PARD3: variants seen among roughly 807,000 people sequenced by gnomAD.
PARD3 encodes the protein partitioning defective 3 homolog.
Under a neutral mutation model 155.4 loss-of-function variants are expected in PARD3, and 75 were observed. That is an observed-to-expected ratio of 0.48 (90% CI 0.40 to 0.58). PARD3 has a LOEUF of 0.58. Among genes scored for constraint, PARD3 ranks in the 20% least tolerant of loss-of-function variants. The pLI, the probability that PARD3 is intolerant of heterozygous loss-of-function variation, is 0.00. For missense variants in PARD3, 1,642 were observed against 1,721.7 expected, an observed-to-expected ratio of 0.95 and a Z score of 0.82; for synonymous variants, 576 against 610.5, an observed-to-expected ratio of 0.94 and a Z score of 0.83.
intron 2 of PARD3, among the ~76,000 whole-genome samples, chr10:34,692,860 C>T (rs1010966211): frequency 4.6e-5 from 7 of 152,220 alleles, no homozygotes; most frequent in Admixed American, 2.6e-4. Flanking sequence ...GACAAAAGAG[C>T]GAGACTCCAT....
intron 3 of PARD3, among the ~76,000 whole-genome samples, chr10:34,499,646 G>A (rs1181335347): frequency 1.3e-5 from 2 of 151,974 alleles, no homozygotes; most frequent in Non-Finnish European, 2.9e-5. Flanking sequence ...CATATGAATA[G>A]TCTTTTATCA....
rs148775070 is a variant in PARD3 at position 34,317,461 on chromosome 10, C to A, written c.2834-123G>T. ...TACTGCAGTATGGCCCTGCTAGCAA[C>A]ATGGACTGCAATGCTGTTTAACTTT... On this transcript the variant is annotated intron_variant, in intron 19 of 24. Coordinates refer to ENST00000374788, the MANE Select transcript of PARD3 (RefSeq NM_001184785.2). 164 of 958,288 alleles carry A rather than the reference C, an allele frequency of 1.7e-4. No homozygotes were observed. In the East Asian group the frequency reaches 3.9e-3, roughly 23 times the overall value. The allele number at this position is 958,288 out of a possible 1,614,324, so 59.4% of individuals were successfully genotyped here.
intron 22 of PARD3, among the ~76,000 whole-genome samples, chr10:34,225,686 C>T (rs1048471338): frequency 2.9e-4 from 44 of 152,126 alleles, no homozygotes; most frequent in Middle Eastern, 3.4e-3. Context: ...CATACACATG[C>T]GAGCAAGATA....
rs3041201 is a variant in PARD3 at position 34,563,532 on chromosome 10, A to ATT, written c.223-46375_223-46374dup. ...TAGGTGCACGCCACCACGCCTGCTA[A>ATT]TTTTTTTTTTTTTTTTGAGATGGAG... On this transcript the variant is annotated intron_variant, in intron 2 of 24. Coordinates refer to ENST00000374788, the MANE Select transcript of PARD3 (RefSeq NM_001184785.2). 6.8e-4 allele frequency among the ~76,000 whole-genome samples: 98 copies of ATT among 144,338 alleles called. No individual in the cohort carries two copies. In the East Asian group the frequency reaches 8.0e-3, roughly 12 times the overall value. 94.7% of individuals were successfully genotyped at this position (144,338 alleles called of 152,430 possible).
At chr10:34,478,884 C>T (rs2078883257) in intron 3 of PARD3, among the ~76,000 whole-genome samples, 1 of 152,088 alleles carries the variant, frequency 6.6e-6, no homozygotes, top group Admixed American at 6.5e-5. Flanking sequence ...AAGCATTTTT[C>T]TGAGGCATAT....
At chr10:34,177,419 G>T (rs1016770644) in intron 22 of PARD3, among the ~76,000 whole-genome samples, 2 of 152,068 alleles carry the variant, frequency 1.3e-5, no homozygotes, top group Non-Finnish European at 2.9e-5. Flanking sequence ...TAAGATAAAA[G>T]ATTAGACAAA....
At chr10:34,227,083 T>G (rs1229837537) in intron 22 of PARD3, among the ~76,000 whole-genome samples, 1 of 152,104 alleles carries the variant, frequency 6.6e-6, no homozygotes, top group Admixed American at 6.5e-5. Context: ...ACACACAACC[T>G]ACAGAATGGG....
chr10:34,127,021 T>G (rs962969870), intron 23 of PARD3, among the ~76,000 whole-genome samples: 1 of 152,208 alleles, frequency 6.6e-6, no homozygotes, highest in African/African-American at 2.4e-5. Context: ...TAGTTGAGTT[T>G]CCAAATGTAC....
intron 1 of PARD3, among the ~76,000 whole-genome samples, chr10:34,729,569 A>C (rs1034518635): frequency 6.6e-6 from 1 of 152,086 alleles, no homozygotes; most frequent in African/African-American, 2.4e-5. Flanking sequence ...ATGATGCTAT[A>C]AAAAAGGATT....
chr10:34,260,433 G>T (rs1397967477), intron 22 of PARD3, among the ~76,000 whole-genome samples: 1 of 152,186 alleles, frequency 6.6e-6, no homozygotes, highest in African/African-American at 2.4e-5. Flanking sequence ...TTAGAGAGCT[G>T]GCCTGGAAGG....
intron 2 of PARD3, among the ~76,000 whole-genome samples, chr10:34,563,223 T>C (rs2085646569): frequency 1.3e-5 from 2 of 152,242 alleles, no homozygotes; most frequent in African/African-American, 4.8e-5. Context: ...ATAAATGTAA[T>C]ATTTTGAATG....
chr10:34,384,759 G>A (rs1354426844), intron 7 of PARD3, among the ~76,000 whole-genome samples: 2 of 152,196 alleles, frequency 1.3e-5, no homozygotes, highest in African/African-American at 4.8e-5. Context: ...GAATAAAGGA[G>A]TTTCCATGCT....
At chr10:34,420,006 C>A (rs548731651) in intron 5 of PARD3, among the ~76,000 whole-genome samples, 1 of 152,220 alleles carries the variant, frequency 6.6e-6, no homozygotes, top group African/African-American at 2.4e-5. Flanking sequence ...GGCTGGAGTG[C>A]AATGGCACAA....
intron 2 of PARD3, among the ~76,000 whole-genome samples, chr10:34,658,083 T>G (rs1161514604): frequency 6.6e-6 from 1 of 151,538 alleles, no homozygotes; most frequent in Non-Finnish European, 1.5e-5. Flanking sequence ...GAGGCGGAGC[T>G]TCCAGTGAGC....
At chr10:34,253,305 C>G (rs2133752796) in intron 22 of PARD3, among the ~76,000 whole-genome samples, 1 of 152,278 alleles carries the variant, frequency 6.6e-6, no homozygotes, top group South Asian at 2.1e-4. Context: ...GTTCTTTAAC[C>G]CCTCATGCTC....
At chr10:34,710,029 A>G (rs965628455) in intron 1 of PARD3, among the ~76,000 whole-genome samples, 2 of 152,210 alleles carry the variant, frequency 1.3e-5, no homozygotes, top group African/African-American at 4.8e-5. Context: ...AGAATTTGGT[A>G]CCACGCATCA....
intron 14 of PARD3, among the ~76,000 whole-genome samples, chr10:34,353,463 A>T (rs919067398): frequency 1.3e-5 from 2 of 152,230 alleles, no homozygotes; most frequent in African/African-American, 4.8e-5. Context: ...ACTCAGGGTT[A>T]AATGGATTAA....
intron 22 of PARD3, among the ~76,000 whole-genome samples, chr10:34,208,238 G>A (rs1315745865): frequency 6.6e-6 from 1 of 152,208 alleles, no homozygotes; most frequent in Non-Finnish European, 1.5e-5. Context: ...TCTGCAAAGT[G>A]TAAATAATAA....
chr10:34,282,627 G>A (rs1956211471), intron 21 of PARD3, among the ~76,000 whole-genome samples: 2 of 152,090 alleles, frequency 1.3e-5, no homozygotes, highest in Admixed American at 6.6e-5. Context: ...TATCCCCTGT[G>A]GCAGGTATCA....
Sources: allele counts gnomAD v4.1 joint callset (sites outside exome capture counted in the v4.1 genomes callset), GRCh38; gene constraint gnomAD v4.1.1; transcripts MANE v1.5; gene names NCBI Gene and HGNC (gene_info 2026-07-23, HGNC 2026-07-21).